ITGB1: variants seen among roughly 807,000 people sequenced by gnomAD.
ITGB1 encodes the protein integrin subunit beta 1, also known as integrin beta-1.
A neutral mutation model predicts 86.5 loss-of-function variants in ITGB1; 24 were observed. The ratio of observed to expected loss-of-function variants is 0.28; its 90% CI spans 0.20 to 0.39. The LOEUF (loss-of-function observed/expected upper bound fraction) is 0.39, where lower values mean the gene tolerates loss of function less well. Ranked by LOEUF, ITGB1 falls within the 10% of genes least tolerant of loss-of-function variation. The probability of loss-of-function intolerance (pLI) is 1.00; values close to 1 mark genes in which losing one functional copy is unlikely to be tolerated. For synonymous variants in ITGB1, 323 were observed against 316.8 expected, an observed-to-expected ratio of 1.02 and a Z score of -0.21; for missense variants, 556 against 946.9, an observed-to-expected ratio of 0.59 and a Z score of 5.42.
In ITGB1 at chr10:32,913,924, G is replaced by GCACC. The variant is rs1391716574; in HGVS notation, c.1470-1801_1470-1800insGGTG. 7.7e-4 allele frequency among the ~76,000 whole-genome samples: 117 copies of GCACC among 152,272 alleles called. 2 individuals carry two copies. Among genetic ancestry groups the GCACC allele is most frequent in the Admixed American group, 7.0e-3 (107 of 15,294 alleles). On this transcript the variant is annotated intron_variant, in intron 11 of 15. Transcript: ENST00000302278. ...TTAAGGGCAGCCAGAGAGAAAGGTT[G>GCACC]GGTTACCCACAAAGGGAAGCCCATC... is the stretch of plus-strand genomic sequence containing the variant.
intron 6 of ITGB1, 27 bp downstream of exon 6, chr10:32,925,844 C>A: frequency 7.8e-7 from 1 of 1,288,556 alleles, no homozygotes; most frequent in South Asian, 1.2e-5. Context: ...GAAACAATAT[C>A]CCCTGATAGG....
intron 1 of ITGB1, among the ~76,000 whole-genome samples, chr10:32,943,615 A>T (rs2095024328): frequency 6.6e-6 from 1 of 152,168 alleles, no homozygotes; most frequent in Admixed American, 6.5e-5. Flanking sequence ...AAGAGCTGGA[A>T]CCTACGACAG....
At chr10:32,930,129 T>C (rs2094978640) in intron 3 of ITGB1, 85 bp from the exon 4 acceptor site, 2 of 701,092 alleles carry the variant, frequency 2.9e-6, no homozygotes, top group African/African-American at 1.8e-5. Flanking sequence ...AGCAATTAAA[T>C]TGCAAAACAT....
intron 15 of ITGB1, among the ~76,000 whole-genome samples, chr10:32,905,573 A>G (rs190068957): frequency 6.0e-4 from 92 of 152,360 alleles, no homozygotes; most frequent in African/African-American, 2.0e-3. Flanking sequence ...ACAATGTCAT[A>G]GACAAGAACA....
In ITGB1 at chr10:32,900,924, ATT is replaced by A. The variant is rs2094880251; in HGVS notation, c.*644_*645del. The A allele has an allele frequency of 6.6e-6, 1 of 151,070 alleles. No homozygotes were observed. The highest frequency in any genetic ancestry group is 1.5e-5 in the Non-Finnish European group (1 of 67,548). 9.4% of individuals were successfully genotyped at this position (151,070 alleles called of 1,614,324 possible). ...AGTGAAGGCATAAAAGTTACCAAACATTAAGTAACTCTTAAAATGGCACACAG... is the reference window on the plus strand; with the variant it reads ...AGTGAAGGCATAAAAGTTACCAAACAAAGTAACTCTTAAAATGGCACACAG... On this transcript the variant is annotated 3_prime_UTR_variant, in exon 16 of 16. Coordinates refer to ENST00000302278, the MANE Select transcript of ITGB1 (RefSeq NM_002211.4).
intron 1 of ITGB1, among the ~76,000 whole-genome samples, chr10:32,954,248 C>T (rs2095048212): frequency 6.6e-6 from 1 of 152,068 alleles, no homozygotes; most frequent in African/African-American, 2.4e-5. Flanking sequence ...GTCATCATTT[C>T]CCCTCTGCTC....
Position 32,925,812 on chromosome 10 carries a change from C to T in ITGB1, c.786+59G>A, listed in dbSNP as rs1238069600. ...TTTCTATTATCATAGTAAAATCACACTTAAAATTCACACACATAATAGAAA... is the reference window on the plus strand; with the variant it reads ...TTTCTATTATCATAGTAAAATCACATTTAAAATTCACACACATAATAGAAA... On this transcript the variant is annotated intron_variant, in intron 6 of 15. Transcript: ENST00000302278. 3.9e-6 allele frequency: 4 copies of T among 1,038,216 alleles called. No individual in the cohort carries two copies. In the African/African-American group the frequency reaches 4.7e-5, roughly 12 times the overall value. 64.3% of individuals were successfully genotyped at this position (1,038,216 alleles called of 1,614,324 possible).
intron 1 of ITGB1, among the ~76,000 whole-genome samples, chr10:32,954,143 T>C (rs890087738): frequency 3.3e-5 from 5 of 152,140 alleles, no homozygotes; most frequent in Non-Finnish European, 5.9e-5. Flanking sequence ...AGTTTTTTCT[T>C]TTTTTAAGCT....
At chr10:32,910,157 G>T in intron 14 of ITGB1, 66 bp downstream of exon 14, 1 of 1,202,684 alleles carries the variant, frequency 8.3e-7, no homozygotes, top group Non-Finnish European at 1.2e-6. Flanking sequence ...TGGATGTTAG[G>T]CCTAAATAAG....
At chr10:32,918,711 T>TA (rs1175011649) in intron 11 of ITGB1, among the ~76,000 whole-genome samples, 1 of 152,170 alleles carries the variant, frequency 6.6e-6, no homozygotes, top group African/African-American at 2.4e-5. Context: ...GCACGTTAGT[T>TA]ACATTTTCAA....
intron 8 of ITGB1, 116 bp downstream of exon 8, chr10:32,922,524 T>C: frequency 1.3e-6 from 1 of 776,276 alleles, no homozygotes; most frequent in Non-Finnish European, 2.1e-6. Flanking sequence ...TAAACCACTT[T>C]TGTAAAATTC....
chr10:32,917,509 A>C (rs2094935736), intron 11 of ITGB1, among the ~76,000 whole-genome samples: 2 of 152,200 alleles, frequency 1.3e-5, no homozygotes, highest in Non-Finnish European at 2.9e-5. Context: ...AAAATCAAAC[A>C]ACCCCACCAA....
At chr10:32,929,242 C>T (rs1378886123) in intron 4 of ITGB1, among the ~76,000 whole-genome samples, 1 of 151,438 alleles carries the variant, frequency 6.6e-6, no homozygotes, top group African/African-American at 2.4e-5. Context: ...GGTCTGCGGG[C>T]TGAAGGCGAT....
intron 13 of ITGB1, 83 bp downstream of exon 13, chr10:32,911,365 A>C: frequency 2.6e-6 from 3 of 1,142,292 alleles, no homozygotes; most frequent in Non-Finnish European, 2.6e-6. Context: ...TAATATTGGC[A>C]CTGTTCTGGT....
At chr10:32,955,494 G>A (rs537343151) in intron 1 of ITGB1, 6 of 152,176 alleles carry the variant, frequency 3.9e-5, no homozygotes, top group Non-Finnish European at 7.3e-5. Flanking sequence ...GGGCAAACCA[G>A]AGCAGCTACA....
intron 1 of ITGB1, among the ~76,000 whole-genome samples, chr10:32,939,906 G>A (rs569239733): frequency 5.3e-4 from 81 of 152,326 alleles, no homozygotes; most frequent in African/African-American, 1.8e-3. Context: ...GATCATCAAT[G>A]TCACTGTCTT....
intron 3 of ITGB1, among the ~76,000 whole-genome samples, chr10:32,930,463 A>G (rs1018204604): frequency 3.9e-5 from 6 of 152,198 alleles, no homozygotes; most frequent in Non-Finnish European, 7.4e-5. Flanking sequence ...CACTCTCCCC[A>G]TCGCAATATG....
intron 1 of ITGB1, among the ~76,000 whole-genome samples, chr10:32,950,698 C>A (rs891185451): frequency 2.0e-5 from 3 of 152,130 alleles, no homozygotes; most frequent in African/African-American, 7.2e-5. Flanking sequence ...TCACCACTCC[C>A]ACCCAGAAGA....
At chr10:32,932,357 G>A in intron 3 of ITGB1, 158 bp downstream of exon 3, 1 of 498,776 alleles carries the variant, frequency 2.0e-6, no homozygotes, top group Non-Finnish European at 3.6e-6. Context: ...AGCCACATCT[G>A]CCTAGTGGCT....
Sources: gnomAD v4.1 joint callset for allele counts (sites outside exome capture counted in the v4.1 genomes callset) on GRCh38, gnomAD v4.1.1 for gene constraint, MANE v1.5 for transcripts, NCBI Gene and HGNC (gene_info 2026-07-23, HGNC 2026-07-21) for gene names.